Variants in DNAH8 observed in about 807,000 individuals in gnomAD.
The protein encoded by DNAH8 is axonemal beta dynein heavy chain 8.
In DNAH8, 382 loss-of-function variants were observed where a neutral mutation model predicts 562.1. The ratio of observed to expected loss-of-function variants is 0.68; its 90% CI spans 0.63 to 0.74. The LOEUF is 0.74. Ranked by LOEUF, DNAH8 falls within the 30% of genes least tolerant of loss-of-function variation. The pLI is 0.00. For synonymous variants in DNAH8, 1,881 were observed against 1,919.4 expected (o/e 0.98, Z 0.52); for missense variants, 5,203 against 5,620.4 (o/e 0.93, Z 2.37).
intron 33 of DNAH8, among the ~76,000 whole-genome samples, chr6:38,841,373 C>T (rs565277332): frequency 2.0e-5 from 3 of 152,180 alleles, no homozygotes; most frequent in East Asian, 1.9e-4. Flanking sequence ...GAGCCGAGAT[C>T]GTGCCACTGC....
chr6:38,923,307 T>A (rs1583363690), intron 72 of DNAH8, 122 bp downstream of exon 72: 2 of 1,180,198 alleles, frequency 1.7e-6, no homozygotes, highest in Non-Finnish European at 2.4e-6. Flanking sequence ...ACTTAAATCA[T>A]GCACTCTCAG....
chr6:38,879,147 G>A (rs962647009), intron 53 of DNAH8, among the ~76,000 whole-genome samples: 2 of 151,878 alleles, frequency 1.3e-5, no homozygotes, highest in African/African-American at 2.4e-5. Context: ...TGGTGAATTC[G>A]ACTAAATATT....
intron 89 of DNAH8, among the ~76,000 whole-genome samples, chr6:39,009,515 T>C (rs10947772): frequency 0.11 from 16,519 of 152,114 alleles, 1,065 homozygotes; most frequent in Admixed American, 0.2. Flanking sequence ...TCTGAAGTCT[T>C]CTAAGAACCA....
intron 65 of DNAH8, among the ~76,000 whole-genome samples, chr6:38,910,893 A>G (rs1191834284): frequency 6.6e-6 from 1 of 152,252 alleles, no homozygotes; most frequent in African/African-American, 2.4e-5. Context: ...TCTTCTGTAT[A>G]AAATTATGCC....
chr6:38,955,454 A>G (rs1223412038), intron 82 of DNAH8, among the ~76,000 whole-genome samples: 1 of 151,880 alleles, frequency 6.6e-6, no homozygotes, highest in Non-Finnish European at 1.5e-5. Flanking sequence ...AACATGGCAA[A>G]ACCCCATGTC....
intron 12 of DNAH8, among the ~76,000 whole-genome samples, chr6:38,775,411 G>A (rs1310775312): frequency 1.3e-5 from 2 of 152,192 alleles, no homozygotes; most frequent in Non-Finnish European, 2.9e-5. Context: ...TTTGAGTCCA[G>A]TAATCCAGTG....
Position 38,875,666 on chromosome 6 carries a change from T to C in DNAH8, c.7696T>C (p.Leu2566=). The part of the protein sequence containing the change: ...GVSCVEHLHK[L]FVFGLMWSLG... ...TTCCTGTGTCGAACATCTTCATAAA[T>C]TATTTGTGTTTGGCCTAATGTGGAG... The change falls in exon 53 of 93, where the codon TTA becomes CTA. Residue 2566 remains leucine (L), a synonymous_variant. Coordinates refer to ENST00000327475, the MANE Select transcript of DNAH8 (RefSeq NM_001206927.2). 6.2e-7 allele frequency: 1 copy of C among 1,613,878 alleles called. No individual in the cohort carries two copies. The highest frequency in any genetic ancestry group is 8.5e-7 in the Non-Finnish European group (1 of 1,179,824).
At chr6:38,741,645 A>G in intron 7 of DNAH8, 66 bp from the exon 8 acceptor site, 2 of 1,360,042 alleles carry the variant, frequency 1.5e-6, no homozygotes, top group Non-Finnish European at 2.0e-6. Context: ...CTTCAAAAAG[A>G]TGCAATCAGA....
rs750671858 is a variant in DNAH8 at position 38,870,602 on chromosome 6, A to G, written c.6990+40A>G. 3.2e-6 allele frequency: 5 copies of G among 1,566,958 alleles called. No individual in the cohort carries two copies. The South Asian group carries it at 3.5e-5, about 11-fold the overall frequency. ...ATCTATTATTAGTATAATGATAAGT[A>G]TGTGTTAAACATTCCTGTCTGAATA... On this transcript the variant is annotated intron_variant, in intron 49 of 92. Transcript: ENST00000327475.
chr6:38,918,344 A>G (rs956068133), intron 70 of DNAH8, among the ~76,000 whole-genome samples: 1 of 152,166 alleles, frequency 6.6e-6, no homozygotes, highest in African/African-American at 2.4e-5. Flanking sequence ...CAGGCAAGTG[A>G]CTGAAACCAA....
Position 38,864,044 on chromosome 6 carries a change from G to C in DNAH8, c.6482G>C (p.Gly2161Ala). The C allele has an allele frequency of 6.2e-7, 1 of 1,608,152 alleles. No homozygotes were observed. Among genetic ancestry groups the C allele is most frequent in the Non-Finnish European group, 8.5e-7 (1 of 1,178,712 alleles). Residue 2161 changes from glycine (G) to alanine (A), a missense_variant, in exon 45 of 93, where the codon GGA (glycine) becomes GCA (alanine). Gly to Ala is a moderately conservative substitution (Grantham distance 60). Transcript: ENST00000327475. ...TGTGTTGATTTAAATCCAGAATTTG[G>C]AATCTTCTTAACGATGGTGAGAAAA... The part of the protein sequence containing the change: ...GDCVDLNPEF[G>A]IFLTMNPGYA...
Position 38,945,545 on chromosome 6 carries a change from T to C in DNAH8, c.12086T>C (p.Val4029Ala). 1 of 1,614,156 alleles carries C rather than the reference T, an allele frequency of 6.2e-7. No homozygotes were observed. The highest frequency in any genetic ancestry group is 8.5e-7 in the Non-Finnish European group (1 of 1,180,022). The change falls in exon 80 of 93, where the codon GTG (valine) becomes GCG (alanine). Residue 4029 changes from valine to alanine, a missense_variant. By Grantham distance (64) the Val-to-Ala change is moderately conservative. This residue lies in a region of DNAH8 where 1,399 missense variants were observed against 1,518.4 expected (regional missense o/e 0.92). Transcript: ENST00000327475. ...CTTGACATGACTTGGCTGAATCTTG[T>C]GGAGCTGAGTAAACTTCCACAATTT... ...WILDMTWLNLVELSKLPQFAE... is the reference protein window; with the variant it reads ...WILDMTWLNLAELSKLPQFAE...
At chr6:38,845,371 G>A (rs1775201238) in intron 35 of DNAH8, among the ~76,000 whole-genome samples, 1 of 152,110 alleles carries the variant, frequency 6.6e-6, no homozygotes, top group Non-Finnish European at 1.5e-5. Flanking sequence ...ATAATTAGTA[G>A]TCGGCGATTA....
At chr6:38,894,918 T>C (rs1050415026) in intron 59 of DNAH8, 54 bp downstream of exon 59, 3 of 1,497,876 alleles carry the variant, frequency 2.0e-6, no homozygotes, top group Non-Finnish European at 2.7e-6. Context: ...TTTATACTAC[T>C]TGGTTAATTT....
intron 88 of DNAH8, among the ~76,000 whole-genome samples, chr6:39,007,929 G>A (rs539557398): frequency 4.0e-4 from 44 of 110,938 alleles, no homozygotes; most frequent in Non-Finnish European, 6.8e-4. Flanking sequence ...CACATACAGC[G>A]CCCCACCCCC....
At chr6:38,993,627 A>G (rs1323205102) in intron 88 of DNAH8, among the ~76,000 whole-genome samples, 1 of 152,206 alleles carries the variant, frequency 6.6e-6, no homozygotes, top group East Asian at 1.9e-4. Flanking sequence ...ATGTACATAC[A>G]TATATACATA....
intron 22 of DNAH8, among the ~76,000 whole-genome samples, chr6:38,805,090 T>C (rs967113214): frequency 6.6e-6 from 1 of 152,204 alleles, no homozygotes; most frequent in African/African-American, 2.4e-5. Flanking sequence ...ATCACATCTT[T>C]CCTCTTAGAG....
intron 49 of DNAH8, among the ~76,000 whole-genome samples, chr6:38,871,626 T>C (rs1358548395): frequency 6.6e-6 from 1 of 152,200 alleles, no homozygotes. Flanking sequence ...CTTTGACTTC[T>C]TAATTTTTTT....
chr6:38,870,007 A>G (rs1457217432), intron 48 of DNAH8, among the ~76,000 whole-genome samples: 2 of 152,210 alleles, frequency 1.3e-5, no homozygotes, highest in South Asian at 2.1e-4. Flanking sequence ...TGGGAGGTGA[A>G]TGAGGAGCAA....
Sources: gnomAD v4.1 joint callset for allele counts (sites outside exome capture counted in the v4.1 genomes callset) on GRCh38, gnomAD v4.1.1 for gene constraint, gnomAD v4.1.1 regional missense constraint, MANE v1.5 for transcripts, NCBI Gene and HGNC (gene_info 2026-07-23, HGNC 2026-07-21) for gene names.